CAMKMT: variants seen among roughly 807,000 people sequenced by gnomAD.
CAMKMT encodes the protein CaM KMT.
Under a neutral mutation model 48.0 loss-of-function variants are expected in CAMKMT, and 53 were observed. That is an observed-to-expected ratio of 1.10 (90% CI 0.89 to 1.39). The LOEUF is 1.39. Ranked by LOEUF, CAMKMT falls within the 40% of genes most tolerant of loss-of-function variation. The pLI, the probability that CAMKMT is intolerant of heterozygous loss-of-function variation, is 0.00. For synonymous variants in CAMKMT, 165 were observed against 152.3 expected (o/e 1.08, Z -0.61); for missense variants, 428 against 402.7 (o/e 1.06, Z -0.54).
Position 44,725,914 on chromosome 2 carries a change from T to C in CAMKMT, c.623+10561T>C, listed in dbSNP as rs78155760. ...TTTGTTAGATGGGAATATTGCATGA[T>C]GCTGGGATTTGGAGAACAGATCCCA... On this transcript the variant is annotated intron_variant, in intron 7 of 10. Coordinates refer to ENST00000378494, the MANE Select transcript of CAMKMT (RefSeq NM_024766.5). Among the ~76,000 whole-genome samples the C allele has an allele frequency of 5.9e-3, 900 of 152,222 alleles. 8 individuals carry two copies. Among genetic ancestry groups the C allele is most frequent in the African/African-American group, 0.02 (822 of 41,554 alleles).
At chr2:44,718,675 A>C (rs1304979301) in intron 7 of CAMKMT, among the ~76,000 whole-genome samples, 1 of 152,204 alleles carries the variant, frequency 6.6e-6, no homozygotes, top group Non-Finnish European at 1.5e-5. Flanking sequence ...GAATTAGTGA[A>C]TAGCGTCATT....
intron 3 of CAMKMT, among the ~76,000 whole-genome samples, chr2:44,678,194 T>A (rs896952662): frequency 2.6e-5 from 4 of 152,092 alleles, no homozygotes; most frequent in African/African-American, 4.8e-5. Context: ...TGGAAAAAAA[T>A]TTTTTAAATG....
chr2:44,363,888 G>T (rs1404936071), intron 1 of CAMKMT, among the ~76,000 whole-genome samples: 1 of 150,734 alleles, frequency 6.6e-6, no homozygotes, highest in African/African-American at 2.4e-5. Context: ...ACGGAGTTTC[G>T]CCATGTTGGC....
chr2:44,585,529 C>T lies in CAMKMT; in HGVS notation c.377-118754C>T, dbSNP rs545095471. Among the ~76,000 whole-genome samples, 82 of 152,186 alleles carry T rather than the reference C, an allele frequency of 5.4e-4. No homozygotes were observed. In the South Asian group the frequency reaches 6.4e-3, roughly 12 times the overall value. ...TGAATCTTGTTTTATAAATACATAT[C>T]CAAATGCTGGAGTTATTCTGAATTT... On this transcript the variant is annotated intron_variant, in intron 3 of 10. Coordinates refer to ENST00000378494, the MANE Select transcript of CAMKMT (RefSeq NM_024766.5).
chr2:44,702,753 C>A (rs1197131797), intron 3 of CAMKMT, among the ~76,000 whole-genome samples: 1 of 152,164 alleles, frequency 6.6e-6, no homozygotes, highest in Non-Finnish European at 1.5e-5. Flanking sequence ...ACCAGAAATG[C>A]CAGAGAGGCT....
At chr2:44,394,758 G>C (rs1681671258) in intron 3 of CAMKMT, 2 of 433,322 alleles carry the variant, frequency 4.6e-6, no homozygotes, top group African/African-American at 4.0e-5. Context: ...CACAGCTATA[G>C]ACTTTGCTTC....
At chr2:44,438,336 A>T (rs1209902607) in intron 3 of CAMKMT, among the ~76,000 whole-genome samples, 1 of 152,224 alleles carries the variant, frequency 6.6e-6, no homozygotes, top group Non-Finnish European at 1.5e-5. Context: ...TTGATAAGTT[A>T]AGTTTGAATA....
intron 3 of CAMKMT, among the ~76,000 whole-genome samples, chr2:44,439,256 A>G (rs990454792): frequency 6.3e-4 from 96 of 152,308 alleles, no homozygotes; most frequent in East Asian, 3.9e-4. Flanking sequence ...TTCTCGTATA[A>G]TTAGATCCTT....
At chr2:44,413,102 A>T (rs896554282) in intron 3 of CAMKMT, among the ~76,000 whole-genome samples, 3 of 151,936 alleles carry the variant, frequency 2.0e-5, no homozygotes, top group East Asian at 1.9e-4. Flanking sequence ...AATAAATTAA[A>T]TAAATAAATA....
At chr2:44,379,278 C>G (rs1366996130) in intron 2 of CAMKMT, among the ~76,000 whole-genome samples, 1 of 152,214 alleles carries the variant, frequency 6.6e-6, no homozygotes, top group African/African-American at 2.4e-5. Flanking sequence ...TGGCATCCCA[C>G]TGTATGGCTA....
intron 2 of CAMKMT, among the ~76,000 whole-genome samples, chr2:44,382,701 G>T (rs1213488122): frequency 6.6e-6 from 1 of 151,744 alleles, no homozygotes; most frequent in Non-Finnish European, 1.5e-5. Context: ...GGATGGTCTC[G>T]ATCTCCTGAC....
At chr2:44,766,688 C>A in intron 10 of CAMKMT, 127 bp downstream of exon 10, 2 of 931,310 alleles carry the variant, frequency 2.1e-6, no homozygotes, top group Admixed American at 2.9e-5. Flanking sequence ...TTCTGAACAG[C>A]TATTTGTATC....
intron 3 of CAMKMT, among the ~76,000 whole-genome samples, chr2:44,405,815 A>G (rs1682737881): frequency 6.6e-6 from 1 of 152,210 alleles, no homozygotes; most frequent in Non-Finnish European, 1.5e-5. Context: ...TTGATAGCTC[A>G]TGCCTATGAA....
rs1672026068 is a variant in CAMKMT at position 44,618,794 on chromosome 2, T to C, written c.377-85489T>C. Among the ~76,000 whole-genome samples the C allele has an allele frequency of 1.3e-5, 2 of 152,330 alleles. No individual in the cohort carries two copies. Among genetic ancestry groups the C allele is most frequent in the South Asian group, 4.1e-4 (2 of 4,824 alleles). ...AAGGCTCTCAGTGCTTCTACCTACT[T>C]TTTATTTTTTATTTTTTGCTTCTCT... On this transcript the variant is annotated intron_variant, in intron 3 of 10. Coordinates refer to ENST00000378494, the MANE Select transcript of CAMKMT (RefSeq NM_024766.5). This position sits in a 1 kb window ranked among gnomAD's most constrained non-coding sequence, Gnocchi z 4.0.
intron 3 of CAMKMT, among the ~76,000 whole-genome samples, chr2:44,629,311 G>T (rs112467652): frequency 3.2e-4 from 48 of 152,006 alleles, no homozygotes; most frequent in African/African-American, 1.2e-3. Flanking sequence ...TTTGAAGTCC[G>T]CTGTGTCTGA....
chr2:44,368,056 T>C (rs1678793956), intron 1 of CAMKMT, among the ~76,000 whole-genome samples: 1 of 152,226 alleles, frequency 6.6e-6, no homozygotes. Flanking sequence ...CTAATGGGTT[T>C]AGGGACCTTA....
intron 3 of CAMKMT, among the ~76,000 whole-genome samples, chr2:44,698,975 C>G (rs553372158): frequency 6.6e-6 from 1 of 152,154 alleles, no homozygotes; most frequent in Non-Finnish European, 1.5e-5. Flanking sequence ...CTTCTTTACC[C>G]GTGCGTAAGA....
intron 3 of CAMKMT, among the ~76,000 whole-genome samples, chr2:44,644,263 T>C (rs537682684): frequency 6.6e-6 from 1 of 152,322 alleles, no homozygotes; most frequent in African/African-American, 2.4e-5. Context: ...GAAAGGAATT[T>C]TGTGTAAAAT....
At chr2:44,620,523 TTG>T (rs1672122156) in intron 3 of CAMKMT, among the ~76,000 whole-genome samples, 1 of 152,218 alleles carries the variant, frequency 6.6e-6, no homozygotes, top group Non-Finnish European at 1.5e-5. Flanking sequence ...GGTGGCCCCT[TTG>T]TACCACCTGG....
Sources: allele counts gnomAD v4.1 joint callset (sites outside exome capture counted in the v4.1 genomes callset), GRCh38; gene constraint gnomAD v4.1.1; non-coding constraint Gnocchi (gnomAD v3.1); transcripts MANE v1.5; gene names NCBI Gene and HGNC (gene_info 2026-07-23, HGNC 2026-07-21).